Variants in SMC5 observed in about 807,000 individuals in gnomAD.
SMC5 encodes the protein structural maintenance of chromosomes protein 5.
Under a neutral mutation model 148.3 loss-of-function variants are expected in SMC5, and 88 were observed. The observed-to-expected ratio is 0.59, with a 90% CI of 0.50 to 0.71. The LOEUF (loss-of-function observed/expected upper bound fraction) is 0.71, where lower values mean the gene tolerates loss of function less well. Among genes scored for constraint, SMC5 ranks in the 30% least tolerant of loss-of-function variants. SMC5 has a pLI of 0.00. For missense variants in SMC5, 1,142 were observed against 1,298.9 expected (o/e 0.88, Z 1.86); for synonymous variants, 421 against 432.8 (o/e 0.97, Z 0.34).
intron 1 of SMC5, among the ~76,000 whole-genome samples, chr9:70,262,572 T>G (rs1465182121): frequency 6.6e-6 from 1 of 152,126 alleles, no homozygotes; most frequent in African/African-American, 2.4e-5. Flanking sequence ...CAAGAGTGGT[T>G]TTGGATGGGA....
chr9:70,333,756 G>A (rs981593298), intron 17 of SMC5, among the ~76,000 whole-genome samples: 5 of 152,054 alleles, frequency 3.3e-5, no homozygotes, highest in African/African-American at 1.2e-4. Context: ...AAAAATACTA[G>A]GGATATATTT....
intron 8 of SMC5, 117 bp downstream of exon 8, chr9:70,286,388 A>G (rs954765117): frequency 9.4e-6 from 6 of 637,470 alleles, no homozygotes; most frequent in Admixed American, 6.3e-5. Flanking sequence ...TGCATTCTCT[A>G]TTTCTTAATC....
At chr9:70,311,695 A>G (rs2035661858) in intron 11 of SMC5, 1 of 149,966 alleles carries the variant, frequency 6.7e-6, no homozygotes, top group South Asian at 2.1e-4. Flanking sequence ...CTACCATTTG[A>G]CCAGCCAAAA....
chr9:70,300,089 G>A lies in SMC5; in HGVS notation c.1353G>A (p.Gln451=), dbSNP rs772347299. ...HIVRFDNLMN[Q]KEDKLRQRFR... is the part of the protein sequence containing the mutation. ...TACGTTTTGACAATCTTATGAATCA[G>A]AAGGAAGATAAGCTAAGACAGAGAT... is the stretch of plus-strand genomic sequence containing the variant. The change falls in exon 10 of 25, where the codon CAG becomes CAA. Residue 451 remains glutamine (Q), a synonymous_variant. Transcript: ENST00000361138. 6.3e-7 allele frequency: 1 copy of A among 1,598,758 alleles called. No homozygotes were observed. Among genetic ancestry groups the A allele is most frequent in the South Asian group, 1.1e-5 (1 of 87,482 alleles).
In SMC5 at chr9:70,334,119, AGTT is replaced by A. The variant is rs569043272; in HGVS notation, c.2397+9986_2397+9988del. Among the ~76,000 whole-genome samples the A allele has an allele frequency of 4.6e-3, 693 of 149,836 alleles. 6 individuals are homozygous for A. The highest frequency in any genetic ancestry group is 0.014 in the African/African-American group (584 of 40,306). On this transcript the variant is annotated intron_variant, in intron 17 of 24. Transcript: ENST00000361138. ...TCAAGACATCCACATATTTATGGTC[AGTT>A]GTTGTTGTTTTTTTTTTTTTTTTGA...
intron 22 of SMC5, among the ~76,000 whole-genome samples, chr9:70,349,407 A>G (rs531373378): frequency 3.3e-5 from 5 of 152,260 alleles, no homozygotes; most frequent in South Asian, 4.2e-4. Context: ...GGTAAATCTG[A>G]ACCTGACATA....
chr9:70,266,667 G>C (rs1451891479), intron 2 of SMC5, among the ~76,000 whole-genome samples: 1 of 152,174 alleles, frequency 6.6e-6, no homozygotes, highest in Non-Finnish European at 1.5e-5. Context: ...TGGGTACACA[G>C]ATGTATTTAT....
intron 11 of SMC5, chr9:70,310,845 G>T (rs1311301459): frequency 6.6e-6 from 1 of 152,172 alleles, no homozygotes; most frequent in African/African-American, 2.4e-5. Context: ...GCACTTTTAT[G>T]TTATGGAAAT....
At chr9:70,329,881 G>A (rs1166105451) in intron 17 of SMC5, among the ~76,000 whole-genome samples, 1 of 152,184 alleles carries the variant, frequency 6.6e-6, no homozygotes, top group Admixed American at 6.5e-5. Flanking sequence ...ATGGCTGGGA[G>A]GCCTCAGGAA....
chr9:70,279,569 C>A (rs2034690414), intron 5 of SMC5, among the ~76,000 whole-genome samples: 1 of 152,000 alleles, frequency 6.6e-6, no homozygotes, highest in South Asian at 2.1e-4. Flanking sequence ...GTAATCCCAG[C>A]ACTTTAGGAG....
chr9:70,312,973 G>A (rs1476025878), intron 11 of SMC5, among the ~76,000 whole-genome samples: 1 of 152,122 alleles, frequency 6.6e-6, no homozygotes, highest in African/African-American at 2.4e-5. Context: ...TCTGTTTATT[G>A]CTTCCTTAAC....
At position 70,315,428 on chromosome 9, in the gene SMC5, C is replaced by A; in HGVS notation, c.1674-18C>A. On this transcript the variant is annotated intron_variant, in intron 12 of 24. Coordinates refer to ENST00000361138, the MANE Select transcript of SMC5 (RefSeq NM_015110.4). ...GATATTTTAAGAAGAAAAATCTAATCAATACTTTTCCTTTCAGACAATACG... is the reference window on the plus strand; with the variant it reads ...GATATTTTAAGAAGAAAAATCTAATAAATACTTTTCCTTTCAGACAATACG... The A allele has an allele frequency of 1.3e-6, 2 of 1,515,448 alleles. No individual in the cohort carries two copies. Among genetic ancestry groups the A allele is most frequent in the South Asian group, 2.7e-5 (2 of 74,748 alleles). The allele number at this position is 1,515,448 out of a possible 1,614,324, so 93.9% of individuals were successfully genotyped here.
At position 70,318,924 on chromosome 9, in the gene SMC5, A is replaced by G; in HGVS notation, c.2111A>G (p.Lys704Arg). 1.9e-6 allele frequency: 3 copies of G among 1,610,356 alleles called. No homozygotes were observed. The highest frequency in any genetic ancestry group is 2.5e-6 in the Non-Finnish European group (3 of 1,178,798). Reference sequence around the variant, plus strand: ...GAGCTTCTTGAGAGAAAAACCAAGAAAAGACAACTGGAACAAAAAATCAGT... The same window carrying G: ...GAGCTTCTTGAGAGAAAAACCAAGAGAAGACAACTGGAACAAAAAATCAGT... Reference protein sequence around the residue: ...KKELLERKTKKRQLEQKISSK... With the variant: ...KKELLERKTKRRQLEQKISSK... The change falls in exon 15 of 25, where the codon AAA (lysine) becomes AGA (arginine). Residue 704 changes from lysine (K) to arginine (R), a missense_variant. Around this residue, in one of 5 missense-constraint regions of SMC5, gnomAD observed 743 missense variants for 835.7 expected, o/e 0.89. Transcript: ENST00000361138.
chr9:70,347,819 A>T (rs948909606), intron 21 of SMC5, 100 bp from the exon 22 acceptor site: 2 of 1,283,814 alleles, frequency 1.6e-6, no homozygotes, highest in African/African-American at 3.0e-5. Context: ...GAAGTGTGTT[A>T]TGCCCAGACT....
intron 1 of SMC5, among the ~76,000 whole-genome samples, chr9:70,260,193 C>G (rs1270495246): frequency 6.6e-6 from 1 of 152,208 alleles, no homozygotes; most frequent in Non-Finnish European, 1.5e-5. Flanking sequence ...CAACCTCCGC[C>G]TCCCAGTTTC....
At chr9:70,293,364 T>A (rs182612243) in intron 8 of SMC5, among the ~76,000 whole-genome samples, 217 of 150,534 alleles carry the variant, frequency 1.4e-3, no homozygotes, top group Non-Finnish European at 2.6e-3. Flanking sequence ...TTTTAGTTAA[T>A]CTTGCCAAAG....
chr9:70,315,589 A>T lies in SMC5; in HGVS notation c.1806+11A>T. On this transcript the variant is annotated intron_variant, in intron 13 of 24. Coordinates refer to ENST00000361138, the MANE Select transcript of SMC5 (RefSeq NM_015110.4). ...GAAAGAATTGAACGGGTAGGAAAGTAGTGAATCATGTACTGAATCATGTAC... is the reference window on the plus strand; with the variant it reads ...GAAAGAATTGAACGGGTAGGAAAGTTGTGAATCATGTACTGAATCATGTAC... The T allele has an allele frequency of 6.4e-7, 1 of 1,557,154 alleles. No individual in the cohort carries two copies. The highest frequency in any genetic ancestry group is 8.7e-7 in the Non-Finnish European group (1 of 1,150,958).
intron 1 of SMC5, 68 bp downstream of exon 1, chr9:70,259,331 A>C: frequency 6.8e-7 from 1 of 1,465,918 alleles, no homozygotes; most frequent in Non-Finnish European, 9.1e-7. Flanking sequence ...GGGCTCCGGC[A>C]GCGCGCGGGC....
At chr9:70,274,528 A>G (rs2034536813) in intron 3 of SMC5, among the ~76,000 whole-genome samples, 3 of 149,720 alleles carry the variant, frequency 2.0e-5, no homozygotes, top group Non-Finnish European at 4.4e-5. Flanking sequence ...CATGTTTTTA[A>G]TATCTTTTGT....
Sources: gnomAD v4.1 joint callset for allele counts (sites outside exome capture counted in the v4.1 genomes callset) on GRCh38, gnomAD v4.1.1 for gene constraint, gnomAD v4.1.1 regional missense constraint, MANE v1.5 for transcripts, NCBI Gene and HGNC (gene_info 2026-07-23, HGNC 2026-07-21) for gene names.